Variants in RIC3 observed in about 807,000 individuals in gnomAD.
RIC3 encodes the protein RIC3 acetylcholine receptor chaperone, also known as protein RIC-3.
Under a neutral mutation model 27.3 loss-of-function variants are expected in RIC3, and 28 were observed. The ratio of observed to expected loss-of-function variants is 1.02; its 90% CI spans 0.76 to 1.41. The LOEUF is 1.41. Ranked by LOEUF, RIC3 falls within the 40% of genes most tolerant of loss-of-function variation. The pLI is 0.00. For synonymous variants in RIC3, 184 were observed against 160.4 expected (o/e 1.15, Z -1.11); for missense variants, 501 against 444.7 (o/e 1.13, Z -1.14).
intron 1 of RIC3, among the ~76,000 whole-genome samples, chr11:8,156,533 A>C (rs536523801): frequency 2.6e-5 from 4 of 152,284 alleles, no homozygotes; most frequent in Admixed American, 2.0e-4. Context: ...TGAATTCCTA[A>C]ACAACTGAAT....
At chr11:8,097,301 T>C in the RIC3 span, 10 of 1,613,982 alleles carry the variant, frequency 6.2e-6, no homozygotes, top group Non-Finnish European at 5.9e-6. Context: ...CTTGAGGAGT[T>C]TGCACTGAGG....
chr11:8,102,920 C>T (rs1195962416), downstream of RIC3: 8 of 152,064 alleles, frequency 5.3e-5, no homozygotes, highest in African/African-American at 1.7e-4. Context: ...TCCTGGGGGC[C>T]CATTCTGCAT....
chr11:8,152,775 C>T (rs998686432), intron 1 of RIC3, among the ~76,000 whole-genome samples: 2 of 151,740 alleles, frequency 1.3e-5, no homozygotes, highest in Admixed American at 1.3e-4. Context: ...TTAAAGACAG[C>T]TAGTCTAACC....
downstream of RIC3, chr11:8,101,685 C>A (rs1348743207): frequency 1.9e-6 from 3 of 1,583,280 alleles, no homozygotes; most frequent in Non-Finnish European, 2.6e-6. Context: ...CCTGTGGAGA[C>A]AGCCCTGCCT....
chr11:8,162,629 C>CTTTTTTTT (rs757717970), intron 1 of RIC3, among the ~76,000 whole-genome samples: 61 of 83,736 alleles, frequency 7.3e-4, no homozygotes, highest in African/African-American at 9.4e-4. Context: ...CATGCTTCTT[C>CTTTTTTTT]TTTTTTTTTT....
chr11:8,119,210 C>T (rs112990935), intron 5 of RIC3, among the ~76,000 whole-genome samples: 1,873 of 152,254 alleles, frequency 0.012, 48 homozygotes, highest in African/African-American at 0.043. Flanking sequence ...TCCACACATT[C>T]GTACACGCTC....
chr11:8,155,370 G>T (rs1045153899), intron 1 of RIC3, among the ~76,000 whole-genome samples: 3 of 152,196 alleles, frequency 2.0e-5, no homozygotes, highest in East Asian at 3.9e-4. Context: ...GAGGTCAGGG[G>T]TTCAAGACCA....
chr11:8,159,595 TTGAA>T (rs1230749376), intron 1 of RIC3, among the ~76,000 whole-genome samples: 2 of 152,114 alleles, frequency 1.3e-5, no homozygotes, highest in Non-Finnish European at 2.9e-5. Flanking sequence ...AACCAACTGG[TTGAA>T]TGACCCTAAA....
intron 5 of RIC3, among the ~76,000 whole-genome samples, chr11:8,112,625 AAAG>A (rs1324805143): frequency 1.3e-5 from 2 of 152,058 alleles, no homozygotes; most frequent in African/African-American, 4.8e-5. Flanking sequence ...CCTTTTTTAA[AAAG>A]AAGGATCATA....
chr11:8,133,454 CATCTGAGAACTAAA>C (rs1947980144), intron 4 of RIC3, among the ~76,000 whole-genome samples: 2 of 152,176 alleles, frequency 1.3e-5, no homozygotes, highest in African/African-American at 2.4e-5. Flanking sequence ...AGAAAAATCA[CATCTGAGAACTAAA>C]AAATGAGAGA....
In RIC3 at chr11:8,110,767, C is replaced by G. The variant is rs1334143917; in HGVS notation, c.1041G>C (p.Leu347Phe). ...TATATGCTTTATCGGTGCTGATGCC[C>G]AACCCTTCATCTTTAAAGTCTTGGG... ...EWSQDFKDEG[L>F]GISTDKAYTG... is the part of the protein sequence containing the mutation. Residue 347 changes from leucine (L) to phenylalanine (F), a missense_variant, in exon 6 of 6, where the codon TTG (leucine) becomes TTC (phenylalanine). Coordinates refer to ENST00000309737, the MANE Select transcript of RIC3 (RefSeq NM_001206671.4). 1 of 1,614,184 alleles carries G rather than the reference C, an allele frequency of 6.2e-7. No individual in the cohort carries two copies. The highest frequency in any genetic ancestry group is 1.1e-5 in the South Asian group (1 of 91,074).
intron 5 of RIC3, among the ~76,000 whole-genome samples, chr11:8,121,420 A>G (rs888255889): frequency 1.3e-5 from 2 of 152,154 alleles, no homozygotes; most frequent in Non-Finnish European, 2.9e-5. Context: ...ACTTTTTAAT[A>G]TATTAAATAT....
At chr11:8,102,677 C>A (rs1225312205), downstream of RIC3, 1 of 152,160 alleles carries the variant, frequency 6.6e-6, no homozygotes, top group Admixed American at 6.5e-5. Flanking sequence ...CATGTAGGTT[C>A]TTGGGAGGGA....
intron 5 of RIC3, among the ~76,000 whole-genome samples, chr11:8,121,416 T>A (rs1946431772): frequency 6.6e-6 from 1 of 152,190 alleles, no homozygotes; most frequent in Admixed American, 6.5e-5. Flanking sequence ...TAGAACTTTT[T>A]AATATATTAA....
intron 5 of RIC3, among the ~76,000 whole-genome samples, chr11:8,113,195 G>A (rs1434164337): frequency 2.6e-5 from 4 of 152,206 alleles, no homozygotes; most frequent in African/African-American, 9.6e-5. Context: ...TTGCTAGTCA[G>A]CTCCCAGCCA....
chr11:8,166,723 T>C (rs552105911), intron 1 of RIC3, among the ~76,000 whole-genome samples: 1 of 151,744 alleles, frequency 6.6e-6, no homozygotes, highest in African/African-American at 2.4e-5. Flanking sequence ...ACAAAAAAAA[T>C]TTTTTTTAAT....
At chr11:8,143,542 C>T (rs367719790) in intron 1 of RIC3, among the ~76,000 whole-genome samples, 11,797 of 141,772 alleles carry the variant, frequency 0.083, 475 homozygotes, top group Admixed American at 0.12. Context: ...TACAAACAAA[C>T]GGAAGAACAT....
At chr11:8,157,511 ACT>A (rs1950774404) in intron 1 of RIC3, among the ~76,000 whole-genome samples, 1 of 152,110 alleles carries the variant, frequency 6.6e-6, no homozygotes, top group East Asian at 1.9e-4. Context: ...TGAGTAATAC[ACT>A]CAACTTGTTC....
chr11:8,122,660 A>G (rs1424665813), intron 5 of RIC3, among the ~76,000 whole-genome samples: 1 of 152,188 alleles, frequency 6.6e-6, no homozygotes, highest in Non-Finnish European at 1.5e-5. Context: ...GTATAAGCAT[A>G]TAACTAAATA....
Sources: allele counts gnomAD v4.1 joint callset (sites outside exome capture counted in the v4.1 genomes callset), GRCh38; gene constraint gnomAD v4.1.1; transcripts MANE v1.5; gene names NCBI Gene and HGNC (gene_info 2026-07-23, HGNC 2026-07-21).